The following TMEM131L variants were observed in gnomAD, a reference collection of about 807,000 sequenced individuals.
The protein encoded by TMEM131L is transmembrane protein 131-like.
Under a neutral mutation model 192.2 loss-of-function variants are expected in TMEM131L, and 54 were observed. The observed-to-expected ratio is 0.28, with a 90% CI of 0.23 to 0.35. The LOEUF is 0.35. Among genes scored for constraint, TMEM131L ranks in the 10% least tolerant of loss-of-function variants. TMEM131L has a pLI of 1.00. For missense variants in TMEM131L, 1,888 were observed against 1,972.9 expected, an observed-to-expected ratio of 0.96 and a Z score of 0.82; for synonymous variants, 701 against 704.9, an observed-to-expected ratio of 0.99 and a Z score of 0.09.
At chr4:153,625,288 G>T (rs1733755197) in intron 29 of TMEM131L, among the ~76,000 whole-genome samples, 1 of 152,060 alleles carries the variant, frequency 6.6e-6, no homozygotes, top group Non-Finnish European at 1.5e-5. Flanking sequence ...ACGAGCGCCT[G>T]CAGTTACAGC....
chr4:153,603,975 A>G lies in TMEM131L; in HGVS notation c.2963A>G (p.His988Arg). ...AAATGCTCAGTGTATTACAGTAAAC[A>G]CAAAACCAGCACAGCTGCGGCCAGC... ...KHKCSVYYSKHKTSTAAASST... is the reference protein window; with the variant it reads ...KHKCSVYYSKRKTSTAAASST... Residue 988 changes from histidine to arginine, a missense_variant, in exon 25 of 35, where the codon CAC (histidine) becomes CGC (arginine). His to Arg is a conservative substitution (Grantham distance 29, BLOSUM62 0). Coordinates refer to ENST00000409959, the MANE Select transcript of TMEM131L (RefSeq NM_001131007.2). 6.2e-7 allele frequency: 1 copy of G among 1,614,084 alleles called. No homozygotes were observed. Among genetic ancestry groups the G allele is most frequent in the Non-Finnish European group, 8.5e-7 (1 of 1,180,004 alleles).
chr4:153,536,567 G>C (rs1258796493), intron 3 of TMEM131L, among the ~76,000 whole-genome samples: 2 of 152,036 alleles, frequency 1.3e-5, no homozygotes, highest in Non-Finnish European at 2.9e-5. Context: ...CACTTTGCTG[G>C]GTGCTTGGCA....
At chr4:153,619,325 C>A (rs1474013244) in intron 26 of TMEM131L, among the ~76,000 whole-genome samples, 2 of 152,158 alleles carry the variant, frequency 1.3e-5, no homozygotes, top group African/African-American at 2.4e-5. Context: ...TAGAAAGACA[C>A]AAAGGAACAA....
intron 31 of TMEM131L, chr4:153,632,487 AGTCTCATCTTG>A (rs1347783364): frequency 5.9e-6 from 3 of 504,780 alleles, no homozygotes; most frequent in African/African-American, 5.8e-5. Flanking sequence ...TTGTTATGTG[AGTCTCATCTTG>A]TCATCCAGGT....
chr4:153,624,308 G>A (rs533516855), intron 29 of TMEM131L, among the ~76,000 whole-genome samples: 7 of 152,104 alleles, frequency 4.6e-5, no homozygotes, highest in African/African-American at 7.2e-5. Flanking sequence ...TAGTAGAGAC[G>A]GGGTTTCATC....
At chr4:153,624,836 ATTTC>A (rs2126796678) in intron 29 of TMEM131L, among the ~76,000 whole-genome samples, 1 of 152,184 alleles carries the variant, frequency 6.6e-6, no homozygotes, top group Non-Finnish European at 1.5e-5. Context: ...AAGCTGTACT[ATTTC>A]TTCTCTCTCC....
At chr4:153,493,781 A>G (rs371132721) in intron 3 of TMEM131L, among the ~76,000 whole-genome samples, 1 of 152,182 alleles carries the variant, frequency 6.6e-6, no homozygotes, top group Non-Finnish European at 1.5e-5. Flanking sequence ...CCTCTCTCAA[A>G]TAGGGGTATT....
chr4:153,538,485 G>C (rs896871302), intron 3 of TMEM131L, among the ~76,000 whole-genome samples: 13 of 152,158 alleles, frequency 8.5e-5, no homozygotes, highest in African/African-American at 3.1e-4. Flanking sequence ...TCCATACTTA[G>C]GATTTTCTTT....
At chr4:153,586,403 G>A (rs1427836000) in intron 14 of TMEM131L, 24 bp downstream of exon 14, 4 of 1,521,630 alleles carry the variant, frequency 2.6e-6, no homozygotes, top group Non-Finnish European at 3.5e-6. Context: ...TACTATATGT[G>A]TGTTACAGTT....
intron 7 of TMEM131L, among the ~76,000 whole-genome samples, chr4:153,573,069 C>T (rs1296527168): frequency 6.6e-6 from 1 of 152,188 alleles, no homozygotes; most frequent in African/African-American, 2.4e-5. Context: ...GAATAATTTT[C>T]TGTTGCACAT....
chr4:153,486,210 T>C (rs1301861134), intron 3 of TMEM131L, among the ~76,000 whole-genome samples: 1 of 152,222 alleles, frequency 6.6e-6, no homozygotes, highest in Non-Finnish European at 1.5e-5. Flanking sequence ...TTCAGTAATA[T>C]TTTACTGTAT....
chr4:153,552,671 A>AT lies in TMEM131L; in HGVS notation c.308+2538dup, dbSNP rs554125054. On this transcript the variant is annotated intron_variant, in intron 4 of 34. Coordinates refer to ENST00000409959, the MANE Select transcript of TMEM131L (RefSeq NM_001131007.2). ...CACTGTGAGACCCTGTCTCCATAAA[A>AT]TTTTTTTTAAAAATTAGCTAAGCAT... Among the ~76,000 whole-genome samples, 101 of 152,052 alleles carry AT rather than the reference A, an allele frequency of 6.6e-4. 1 individual carries two copies. The highest frequency in any genetic ancestry group is 1.9e-3 in the African/African-American group (80 of 41,452).
intron 3 of TMEM131L, among the ~76,000 whole-genome samples, chr4:153,479,142 G>A (rs1020514192): frequency 1.3e-5 from 2 of 152,222 alleles, no homozygotes; most frequent in Admixed American, 6.5e-5. Flanking sequence ...GGACCAGTGT[G>A]AATTCTGGGC....
At chr4:153,523,906 G>GCCT (rs1355380221) in intron 3 of TMEM131L, among the ~76,000 whole-genome samples, 2 of 152,270 alleles carry the variant, frequency 1.3e-5, no homozygotes, top group African/African-American at 2.4e-5. Flanking sequence ...ATCAGAGGAG[G>GCCT]CCTCAGCCTT....
chr4:153,492,613 A>G (rs1732867125), intron 3 of TMEM131L, among the ~76,000 whole-genome samples: 1 of 152,218 alleles, frequency 6.6e-6, no homozygotes, highest in Non-Finnish European at 1.5e-5. Context: ...TGCCTGCTAG[A>G]CAGCCCCTGA....
intron 7 of TMEM131L, among the ~76,000 whole-genome samples, chr4:153,563,547 G>A (rs561289139): frequency 1.3e-4 from 18 of 135,088 alleles, no homozygotes; most frequent in Admixed American, 4.3e-4. Context: ...AGCTCACTGC[G>A]ACTTCAGCCT....
At chr4:153,585,393 C>T (rs996954651) in intron 12 of TMEM131L, 65 bp from the exon 13 acceptor site, 19 of 1,490,446 alleles carry the variant, frequency 1.3e-5, no homozygotes, top group Non-Finnish European at 1.6e-5. Context: ...CAATTAGAGG[C>T]TCATAAGAGG....
intron 21 of TMEM131L, 97 bp from the exon 22 acceptor site, chr4:153,602,055 A>G (rs1447438499): frequency 4.2e-6 from 3 of 708,596 alleles, no homozygotes; most frequent in Admixed American, 7.1e-5. Context: ...AATGTAGATC[A>G]TGGTTTGGTT....
chr4:153,539,171 A>AGG (rs977894529), intron 3 of TMEM131L, among the ~76,000 whole-genome samples: 1 of 152,174 alleles, frequency 6.6e-6, no homozygotes, highest in South Asian at 2.1e-4. Flanking sequence ...CTCCCCCAAA[A>AGG]GGGGGGGAGG....
Sources: allele counts gnomAD v4.1 joint callset (sites outside exome capture counted in the v4.1 genomes callset), GRCh38; gene constraint gnomAD v4.1.1; transcripts MANE v1.5; gene names NCBI Gene and HGNC (gene_info 2026-07-23, HGNC 2026-07-21).